Variants in DENND6A observed in about 807,000 individuals in gnomAD.
DENND6A encodes protein DENND6A.
In DENND6A, 43 loss-of-function variants were observed where a neutral mutation model predicts 95.5. That is an observed-to-expected ratio of 0.45 (90% confidence interval 0.35 to 0.58). The LOEUF (loss-of-function observed/expected upper bound fraction) is 0.58, where lower values mean the gene tolerates loss of function less well. Among genes scored for constraint, DENND6A ranks in the 20% least tolerant of loss-of-function variants. The probability of loss-of-function intolerance (pLI) is 0.00; values close to 1 mark genes in which losing one functional copy is unlikely to be tolerated. For synonymous variants in DENND6A, 257 were observed against 260.4 expected (o/e 0.99, Z 0.13); for missense variants, 574 against 736.0 (o/e 0.78, Z 2.55).
intron 16 of DENND6A, 49 bp downstream of exon 16, chr3:57,630,876 G>A: frequency 6.2e-7 from 1 of 1,610,830 alleles, no homozygotes; most frequent in South Asian, 1.1e-5. Flanking sequence ...TATGTTCACA[G>A]AAGTTAATTA....
chr3:57,644,231 G>A (rs922245946), intron 11 of DENND6A, among the ~76,000 whole-genome samples: 3 of 151,866 alleles, frequency 2.0e-5, no homozygotes, highest in South Asian at 2.1e-4. Context: ...TAAGGGATTC[G>A]TAGAGAAAAG....
intron 8 of DENND6A, among the ~76,000 whole-genome samples, chr3:57,658,022 G>A: frequency 6.6e-6 from 1 of 151,898 alleles, no homozygotes; most frequent in South Asian, 2.1e-4. Flanking sequence ...GGATCACAAG[G>A]TCAGGATATC....
intron 1 of DENND6A, among the ~76,000 whole-genome samples, chr3:57,675,988 A>C (rs2153416721): frequency 6.6e-6 from 1 of 152,118 alleles, no homozygotes; most frequent in African/African-American, 2.4e-5. Context: ...TAGGAGAGTC[A>C]GGCCCCCCAA....
chr3:57,682,053 T>TA (rs1401030330), intron 1 of DENND6A, among the ~76,000 whole-genome samples: 6 of 152,154 alleles, frequency 3.9e-5, no homozygotes, highest in Non-Finnish European at 8.8e-5. Flanking sequence ...CATAAAATCA[T>TA]AGTCTCTCTC....
At position 57,626,904 on chromosome 3, in the gene DENND6A, A is replaced by G. The variant is rs2070542831; in HGVS notation, c.*1310T>C. The G allele has an allele frequency of 6.6e-6, 1 of 152,562 alleles. No homozygotes were observed. Among genetic ancestry groups the G allele is most frequent in the East Asian group, 1.9e-4 (1 of 5,198 alleles). The allele number at this position is 152,562 out of a possible 1,614,324, so 9.5% of individuals were successfully genotyped here. A position where few individuals can be genotyped will look rare whatever the true frequency, so the allele number is the denominator to read the frequency against. On this transcript the variant is annotated 3_prime_UTR_variant, in exon 20 of 20. Coordinates refer to ENST00000311128, the MANE Select transcript of DENND6A (RefSeq NM_152678.3). The stretch of plus-strand genomic sequence containing the variant: ...GTTCCCATGTCAAACAATAGTAGGA[A>G]AAGTGTTTTAAGAAACATTAATGTT...
At chr3:57,679,025 A>C (rs2077135041) in intron 1 of DENND6A, among the ~76,000 whole-genome samples, 1 of 152,246 alleles carries the variant, frequency 6.6e-6, no homozygotes, top group Non-Finnish European at 1.5e-5. Context: ...TATGGCTTGA[A>C]TCCAGAAGGT....
At chr3:57,690,435 C>A (rs942463885) in intron 1 of DENND6A, among the ~76,000 whole-genome samples, 1 of 151,708 alleles carries the variant, frequency 6.6e-6, no homozygotes, top group Admixed American at 6.6e-5. Flanking sequence ...ACCTGGGAGG[C>A]GGAGCTTGCA....
intron 9 of DENND6A, among the ~76,000 whole-genome samples, chr3:57,652,868 G>A (rs1017763019): frequency 1.3e-5 from 2 of 152,164 alleles, no homozygotes; most frequent in Non-Finnish European, 2.9e-5. Context: ...GAAAGTCAGA[G>A]ACTAAAGAAC....
chr3:57,662,006 T>C (rs1009602578), intron 5 of DENND6A, among the ~76,000 whole-genome samples: 1 of 151,788 alleles, frequency 6.6e-6, no homozygotes, highest in Non-Finnish European at 1.5e-5. Flanking sequence ...TCATTTCAGA[T>C]ACAAATTATC....
chr3:57,689,200 G>T (rs748760539), intron 1 of DENND6A, among the ~76,000 whole-genome samples: 1 of 151,736 alleles, frequency 6.6e-6, no homozygotes, highest in Non-Finnish European at 1.5e-5. Flanking sequence ...TGATCTGCCC[G>T]CCTCGGCCTC....
chr3:57,674,033 G>C (rs1376372675), intron 1 of DENND6A, among the ~76,000 whole-genome samples: 1 of 152,038 alleles, frequency 6.6e-6, no homozygotes, highest in East Asian at 1.9e-4. Flanking sequence ...GCCTCCCAAA[G>C]TGCTGGGATT....
At chr3:57,669,520 C>A (rs570767419) in intron 3 of DENND6A, among the ~76,000 whole-genome samples, 23 of 150,754 alleles carry the variant, frequency 1.5e-4, no homozygotes, top group African/African-American at 5.6e-4. Flanking sequence ...TCAAGACCAT[C>A]CTGGCTAACA....
intron 3 of DENND6A, among the ~76,000 whole-genome samples, chr3:57,668,159 T>C (rs1260599818): frequency 6.6e-6 from 1 of 152,206 alleles, no homozygotes; most frequent in African/African-American, 2.4e-5. Flanking sequence ...TTCAAAAATA[T>C]TGGTCCATAA....
intron 1 of DENND6A, among the ~76,000 whole-genome samples, chr3:57,678,324 A>G (rs1377257876): frequency 2.0e-5 from 3 of 152,240 alleles, no homozygotes; most frequent in Non-Finnish European, 4.4e-5. Context: ...TCTTCTGAGA[A>G]ACACGTTCTT....
chr3:57,688,463 T>A (rs886409686), intron 1 of DENND6A, among the ~76,000 whole-genome samples: 1 of 152,006 alleles, frequency 6.6e-6, no homozygotes, highest in Non-Finnish European at 1.5e-5. Flanking sequence ...AAACCTTGTC[T>A]CCTAACCACA....
chr3:57,655,295 A>C (rs555730359), intron 9 of DENND6A, among the ~76,000 whole-genome samples: 75 of 152,322 alleles, frequency 4.9e-4, no homozygotes, highest in African/African-American at 1.7e-3. Context: ...GGCCTCCCAA[A>C]GTGCTGGGAT....
At chr3:57,655,250 G>A (rs1408848503) in intron 9 of DENND6A, among the ~76,000 whole-genome samples, 1 of 152,106 alleles carries the variant, frequency 6.6e-6, no homozygotes, top group Non-Finnish European at 1.5e-5. Flanking sequence ...GGTCAGGCTG[G>A]TCTCAAAATC....
intron 9 of DENND6A, among the ~76,000 whole-genome samples, chr3:57,649,998 T>C (rs1042090090): frequency 1.5e-4 from 23 of 151,864 alleles, no homozygotes; most frequent in African/African-American, 5.6e-4. Context: ...CAGAGCGCCC[T>C]AGATGGAATT....
chr3:57,692,736 C>T, intron 1 of DENND6A, 46 bp downstream of exon 1: 1 of 1,383,528 alleles, frequency 7.2e-7, no homozygotes, highest in South Asian at 1.6e-5. Context: ...TGCAGCCGCC[C>T]CGGCGCAGGG....
Sources: allele counts gnomAD v4.1 joint callset (sites outside exome capture counted in the v4.1 genomes callset), GRCh38; gene constraint gnomAD v4.1.1; transcripts MANE v1.5; gene names NCBI Gene and HGNC (gene_info 2026-07-23, HGNC 2026-07-21).